Variants in LRP1B observed in about 807,000 individuals in gnomAD.
LRP1B encodes the protein low-density lipoprotein receptor-related protein 1B.
A neutral mutation model predicts 556.6 loss-of-function variants in LRP1B; 217 were observed. The observed-to-expected ratio is 0.39, with a 90% CI of 0.35 to 0.44. The LOEUF is 0.44. LRP1B is among the 20% of genes least tolerant of loss of function. The pLI is 1.00. For synonymous variants in LRP1B, 2,047 were observed against 1,865.8 expected, an observed-to-expected ratio of 1.10 and a Z score of -2.50; for missense variants, 5,053 against 5,620.8, an observed-to-expected ratio of 0.90 and a Z score of 3.23.
chr2:140,955,320 T>C (rs1057434503), intron 18 of LRP1B, among the ~76,000 whole-genome samples: 21 of 152,036 alleles, frequency 1.4e-4, no homozygotes, highest in African/African-American at 4.8e-4. Context: ...AATATATGGG[T>C]TTATTTCTGG....
rs377703634 is a variant in LRP1B at position 141,533,394 on chromosome 2, C to T, written c.206-52861G>A. ...TTTATAATTATATGTAGTAATATTC[C>T]AACTGCTCACATCTTTTCATGAGAA... On this transcript the variant is annotated intron_variant, in intron 2 of 90. Coordinates refer to ENST00000389484, the MANE Select transcript of LRP1B (RefSeq NM_018557.3). Among the ~76,000 whole-genome samples, 93 of 152,200 alleles carry T rather than the reference C, an allele frequency of 6.1e-4. 2 individuals are homozygous for T. In the South Asian group the frequency reaches 0.019, roughly 31 times the overall value.
At chr2:141,327,941 T>C (rs1687490051) in intron 3 of LRP1B, among the ~76,000 whole-genome samples, 1 of 152,128 alleles carries the variant, frequency 6.6e-6, no homozygotes, top group Non-Finnish European at 1.5e-5. Flanking sequence ...CACACATCTA[T>C]ATAATGTGAT....
In LRP1B at chr2:140,385,948, G is replaced by C. The variant is rs755483261; in HGVS notation, c.10476C>G (p.His3492Gln). 1 of 1,613,748 alleles carries C rather than the reference G, an allele frequency of 6.2e-7. No individual in the cohort carries two copies. Among genetic ancestry groups the C allele is most frequent in the African/African-American group, 1.3e-5 (1 of 75,034 alleles). The part of the protein sequence containing the change: ...QCKNNNCIPD[H>Q]WRCDSQNDCS... ...AGTCATTTTGGCTATCACACCGCCA[G>C]TGATCGGGAATACAGTTGTTGTTTT... Residue 3492 changes from histidine to glutamine, a missense_variant, in exon 67 of 91, where the codon CAC (histidine) becomes CAG (glutamine). By Grantham distance (24) the His-to-Gln change is conservative (BLOSUM62 0). Around this residue, in one of 5 missense-constraint regions of LRP1B, gnomAD observed 262 missense variants for 395.1 expected, o/e 0.66. Coordinates refer to ENST00000389484, the MANE Select transcript of LRP1B (RefSeq NM_018557.3).
chr2:141,502,751 C>G (rs1007164117), intron 2 of LRP1B, among the ~76,000 whole-genome samples: 3 of 151,642 alleles, frequency 2.0e-5, no homozygotes, highest in Middle Eastern at 3.4e-3. Context: ...CCCAGCTACT[C>G]AGGAGGCTGA....
intron 7 of LRP1B, among the ~76,000 whole-genome samples, chr2:141,133,094 T>G (rs1273399999): frequency 6.6e-6 from 1 of 152,040 alleles, no homozygotes; most frequent in East Asian, 1.9e-4. Context: ...ATCACCAACT[T>G]TGAACCCGAC....
At chr2:141,253,874 T>C (rs1286122089) in intron 4 of LRP1B, among the ~76,000 whole-genome samples, 7 of 145,034 alleles carry the variant, frequency 4.8e-5, no homozygotes, top group African/African-American at 7.6e-5. Context: ...AGATAGATTC[T>C]AAGTATCATA....
intron 3 of LRP1B, among the ~76,000 whole-genome samples, chr2:141,327,888 G>GGGAGAC (rs1559007705): frequency 6.9e-6 from 1 of 145,510 alleles, no homozygotes; most frequent in African/African-American, 2.8e-5. Flanking sequence ...GAGAGAGAGA[G>GGGAGAC]AGAGAGAGAG....
chr2:140,530,685 T>C (rs1190094914), intron 47 of LRP1B, among the ~76,000 whole-genome samples: 1 of 152,164 alleles, frequency 6.6e-6, no homozygotes, highest in East Asian at 1.9e-4. Flanking sequence ...TAATAAAGTA[T>C]ATGCTTGTGT....
At chr2:141,757,713 T>C (rs911783776) in intron 2 of LRP1B, among the ~76,000 whole-genome samples, 1 of 152,022 alleles carries the variant, frequency 6.6e-6, no homozygotes, top group Non-Finnish European at 1.5e-5. Context: ...TTTAATTTTT[T>C]TTTATAGAGA....
At chr2:141,647,494 C>A (rs976850871) in intron 2 of LRP1B, among the ~76,000 whole-genome samples, 15 of 152,072 alleles carry the variant, frequency 9.9e-5, no homozygotes, top group African/African-American at 3.6e-4. Flanking sequence ...AAACTTCAGA[C>A]GATTTTCACA....
At chr2:141,045,070 C>G (rs1698826847) in intron 11 of LRP1B, among the ~76,000 whole-genome samples, 1 of 150,754 alleles carries the variant, frequency 6.6e-6, no homozygotes, top group Non-Finnish European at 1.5e-5. Context: ...CACATATACA[C>G]CACGGAATAC....
intron 3 of LRP1B, among the ~76,000 whole-genome samples, chr2:141,416,708 G>A (rs1167916824): frequency 2.0e-5 from 3 of 151,980 alleles, no homozygotes; most frequent in South Asian, 4.1e-4. Context: ...ACTCACCTTG[G>A]CCTCCCAAAG....
intron 20 of LRP1B, among the ~76,000 whole-genome samples, chr2:140,936,840 TGTATTAG>T (rs1695242327): frequency 6.6e-6 from 1 of 152,154 alleles, no homozygotes; most frequent in Non-Finnish European, 1.5e-5. Context: ...AGACATACAA[TGTATTAG>T]GTTGGTACAA....
At chr2:140,813,118 C>A (rs1690985586) in intron 32 of LRP1B, among the ~76,000 whole-genome samples, 3 of 152,152 alleles carry the variant, frequency 2.0e-5, no homozygotes, top group Admixed American at 2.0e-4. Context: ...ACTTACCTAG[C>A]ACCTTTTTTT....
At chr2:140,802,684 G>T (rs1690557675) in intron 32 of LRP1B, among the ~76,000 whole-genome samples, 1 of 152,032 alleles carries the variant, frequency 6.6e-6, no homozygotes, top group African/African-American at 2.4e-5. Flanking sequence ...CAAAGCATTT[G>T]TAAATTGAAT....
intron 32 of LRP1B, among the ~76,000 whole-genome samples, chr2:140,782,256 T>A (rs1246022554): frequency 6.6e-6 from 1 of 152,182 alleles, no homozygotes; most frequent in Non-Finnish European, 1.5e-5. Flanking sequence ...AAAATTCATA[T>A]GCTAAATTCT....
At chr2:141,762,566 C>A (rs1486830774) in intron 2 of LRP1B, among the ~76,000 whole-genome samples, 2 of 151,452 alleles carry the variant, frequency 1.3e-5, no homozygotes, top group Non-Finnish European at 2.9e-5. Flanking sequence ...TATTTTTTTA[C>A]TCCGTATAGT....
chr2:141,636,413 A>AATGAG (rs1272468216), intron 2 of LRP1B, among the ~76,000 whole-genome samples: 2 of 152,172 alleles, frequency 1.3e-5, no homozygotes, highest in African/African-American at 4.8e-5. Context: ...TGCACATGAA[A>AATGAG]ATGAGATAAA....
Position 141,551,584 on chromosome 2 carries a change from A to T in LRP1B, c.206-71051T>A, listed in dbSNP as rs553683955. On this transcript the variant is annotated intron_variant, in intron 2 of 90. Transcript: ENST00000389484. Reference sequence around the variant, plus strand: ...ATTTTGGCAAAATGACAAAGCAAAGAGTCTGTATTACCTTCCTTGGAATAT... The same window carrying T: ...ATTTTGGCAAAATGACAAAGCAAAGTGTCTGTATTACCTTCCTTGGAATAT... Among the ~76,000 whole-genome samples the T allele has an allele frequency of 1.2e-4, 18 of 152,206 alleles. No homozygotes were observed. The Middle Eastern group carries it at 0.01, about 86-fold the overall frequency.
Sources: allele counts gnomAD v4.1 joint callset (sites outside exome capture counted in the v4.1 genomes callset), GRCh38; gene constraint gnomAD v4.1.1; regional missense constraint gnomAD v4.1.1; transcripts MANE v1.5; gene names NCBI Gene and HGNC (gene_info 2026-07-23, HGNC 2026-07-21).